RNF217: variants seen among roughly 807,000 people sequenced by gnomAD.
RNF217 encodes E3 ubiquitin-protein ligase RNF217.
Under a neutral mutation model 57.8 loss-of-function variants are expected in RNF217, and 31 were observed. The ratio of observed to expected loss-of-function variants is 0.54; its 90% CI spans 0.40 to 0.72. RNF217 has a LOEUF of 0.72. Among genes scored for constraint, RNF217 ranks in the 30% least tolerant of loss-of-function variants. The probability of loss-of-function intolerance (pLI) is 0.00; values close to 1 mark genes in which losing one functional copy is unlikely to be tolerated. For missense variants in RNF217, 696 were observed against 708.3 expected (o/e 0.98, Z 0.20); for synonymous variants, 313 against 294.0 (o/e 1.06, Z -0.66).
Position 125,056,164 on chromosome 6 carries a change from C to T in RNF217, c.1117-1778C>T, listed in dbSNP as rs951839890. 7.2e-4 allele frequency among the ~76,000 whole-genome samples: 110 copies of T among 152,128 alleles called. 1 individual carries two copies. Among genetic ancestry groups the T allele is most frequent in the African/African-American group, 2.4e-3 (101 of 41,544 alleles). On this transcript the variant is annotated intron_variant, in intron 2 of 5. Coordinates refer to ENST00000521654, the MANE Select transcript of RNF217 (RefSeq NM_001286398.3). Reference sequence around the variant, plus strand: ...TTGTCAATTGTCAAAGAACAAATGCCGTTTAGTATAAGACTATAGTGAAAA... The same window carrying T: ...TTGTCAATTGTCAAAGAACAAATGCTGTTTAGTATAAGACTATAGTGAAAA...
intron 1 of RNF217, among the ~76,000 whole-genome samples, chr6:124,998,650 A>C (rs9482584): frequency 6.6e-6 from 1 of 151,974 alleles, no homozygotes; most frequent in Admixed American, 6.6e-5. Context: ...AATACAAAAA[A>C]CCTAGTGAAG....
intron 3 of RNF217, among the ~76,000 whole-genome samples, chr6:125,060,240 A>G (rs1787679205): frequency 6.6e-6 from 1 of 152,098 alleles, no homozygotes; most frequent in African/African-American, 2.4e-5. Flanking sequence ...AAAAGAAATG[A>G]AGAATTTCTC....
At chr6:125,073,433 G>A (rs1328999027) in intron 3 of RNF217, among the ~76,000 whole-genome samples, 1 of 152,162 alleles carries the variant, frequency 6.6e-6, no homozygotes, top group Admixed American at 6.6e-5. Context: ...GTCTTTGTAA[G>A]TTGGATTATT....
At chr6:124,986,435 C>T (rs1341209068) in intron 1 of RNF217, among the ~76,000 whole-genome samples, 1 of 152,226 alleles carries the variant, frequency 6.6e-6, no homozygotes, top group East Asian at 1.9e-4. Context: ...TACAAAGATA[C>T]TCTAATGCAT....
intron 1 of RNF217, among the ~76,000 whole-genome samples, chr6:124,987,367 A>G (rs2115032129): frequency 6.6e-6 from 1 of 152,254 alleles, no homozygotes; most frequent in South Asian, 2.1e-4. Flanking sequence ...CCCATTATTC[A>G]TCATTCCCTG....
rs776828490 is a variant in RNF217 at position 124,962,950 on chromosome 6, A to G, written c.406A>G (p.Arg136Gly). 20 of 1,597,558 alleles carry G rather than the reference A, an allele frequency of 1.3e-5. No individual in the cohort carries two copies. Among genetic ancestry groups the G allele is most frequent in the African/African-American group, 2.7e-5 (2 of 74,914 alleles). The change falls in exon 1 of 6, where the codon AGG becomes GGG. Residue 136 changes from arginine to glycine, a missense_variant. Around this residue, in one of 2 missense-constraint regions of RNF217, gnomAD observed 465 missense variants for 386.8 expected, o/e 1.20. Coordinates refer to ENST00000521654, the MANE Select transcript of RNF217 (RefSeq NM_001286398.3). The surrounding 1 kb of genome is among the most constrained non-coding windows in gnomAD (Gnocchi z 4.6). ...EAPPGEELEP[R>G]TRVGAADGLV... The stretch of plus-strand genomic sequence containing the variant: ...GCCCCCCGGCGAAGAGCTGGAGCCC[A>G]GGACCCGCGTGGGGGCCGCCGACGG...
chr6:124,984,215 TG>T (rs1424453645), intron 1 of RNF217, among the ~76,000 whole-genome samples: 1 of 152,116 alleles, frequency 6.6e-6, no homozygotes, highest in Admixed American at 6.5e-5. Context: ...CACTTGTGTA[TG>T]GGAACTTGGG....
chr6:125,029,853 A>G (rs1786272930), intron 1 of RNF217, among the ~76,000 whole-genome samples: 1 of 152,214 alleles, frequency 6.6e-6, no homozygotes, highest in African/African-American at 2.4e-5. Flanking sequence ...ATTAGCTGAG[A>G]TGACGACAGC....
intron 1 of RNF217, among the ~76,000 whole-genome samples, chr6:124,983,079 C>A (rs749384627): frequency 3.3e-5 from 5 of 152,188 alleles, no homozygotes; most frequent in Admixed American, 6.5e-5. Context: ...TTCTTCAACG[C>A]TCCCCCCTCA....
chr6:125,023,928 G>A (rs1205988476), intron 1 of RNF217, among the ~76,000 whole-genome samples: 1 of 152,102 alleles, frequency 6.6e-6, no homozygotes, highest in Non-Finnish European at 1.5e-5. Context: ...GGGCATGGGG[G>A]GAAAAGGACT....
intron 3 of RNF217, among the ~76,000 whole-genome samples, chr6:125,064,333 C>A (rs1787858567): frequency 6.6e-6 from 1 of 152,070 alleles, no homozygotes; most frequent in African/African-American, 2.4e-5. Flanking sequence ...AGCTCTAGAC[C>A]TTAGTTGTTA....
At chr6:124,985,715 A>G (rs1157707562) in intron 1 of RNF217, among the ~76,000 whole-genome samples, 2 of 152,174 alleles carry the variant, frequency 1.3e-5, no homozygotes, top group Non-Finnish European at 2.9e-5. Context: ...GTATAGTAAA[A>G]AAAACATAAA....
chr6:124,990,513 A>G (rs565109682), intron 1 of RNF217, among the ~76,000 whole-genome samples: 53 of 152,316 alleles, frequency 3.5e-4, no homozygotes, highest in African/African-American at 1.2e-3. Flanking sequence ...TCACCATTTC[A>G]GTTGATGGCC....
At chr6:125,002,968 T>C (rs1229791050) in intron 1 of RNF217, among the ~76,000 whole-genome samples, 3 of 152,172 alleles carry the variant, frequency 2.0e-5, no homozygotes, top group African/African-American at 7.2e-5. Context: ...CAGAAAATCT[T>C]GTTATTATCC....
intron 1 of RNF217, among the ~76,000 whole-genome samples, chr6:125,032,622 G>A (rs1206035294): frequency 1.3e-5 from 2 of 152,058 alleles, no homozygotes; most frequent in Non-Finnish European, 1.5e-5. Flanking sequence ...TTTCTGGAAG[G>A]AAACGACAAC....
chr6:124,967,372 C>T (rs1783585619), intron 1 of RNF217, among the ~76,000 whole-genome samples: 1 of 152,144 alleles, frequency 6.6e-6, no homozygotes, highest in Non-Finnish European at 1.5e-5. Flanking sequence ...CAGAAATCTT[C>T]CACCAATATT....
intron 1 of RNF217, among the ~76,000 whole-genome samples, chr6:125,017,164 C>T (rs2114391156): frequency 6.6e-6 from 1 of 152,272 alleles, no homozygotes; most frequent in Admixed American, 6.5e-5. Flanking sequence ...CTTTTTATGA[C>T]ACTGCCTTTC....
intron 4 of RNF217, 133 bp downstream of exon 4, chr6:125,076,991 C>T (rs1429842007): frequency 1.9e-5 from 14 of 740,632 alleles, no homozygotes; most frequent in Non-Finnish European, 2.9e-5. Flanking sequence ...ATTCTCTCAC[C>T]CTTTAAGAAT....
intron 3 of RNF217, among the ~76,000 whole-genome samples, chr6:125,073,558 A>T (rs1788233924): frequency 6.6e-6 from 1 of 152,222 alleles, no homozygotes; most frequent in Non-Finnish European, 1.5e-5. Flanking sequence ...AAAAAGTTAG[A>T]TAAGGCAACC....
Sources: gnomAD v4.1 joint callset for allele counts (sites outside exome capture counted in the v4.1 genomes callset) on GRCh38, gnomAD v4.1.1 for gene constraint, gnomAD v4.1.1 regional missense constraint, Gnocchi (gnomAD v3.1) non-coding constraint, MANE v1.5 for transcripts, NCBI Gene and HGNC (gene_info 2026-07-23, HGNC 2026-07-21) for gene names.